The following POGZ variants were observed in gnomAD, a reference collection of about 807,000 sequenced individuals.
The protein encoded by POGZ is pogo transposable element with ZNF domain.
In POGZ, 17 loss-of-function variants were observed where a neutral mutation model predicts 134.6. The observed-to-expected ratio is 0.13, with a 90% CI of 0.09 to 0.19. The LOEUF (loss-of-function observed/expected upper bound fraction) is 0.19. Ranked by LOEUF, POGZ falls within the 10% of genes least tolerant of loss-of-function variation. POGZ has a pLI of 1.00. For synonymous variants in POGZ, 693 were observed against 657.1 expected, an observed-to-expected ratio of 1.05 and a Z score of -0.84; for missense variants, 1,306 against 1,769.7, an observed-to-expected ratio of 0.74 and a Z score of 4.70.
chr1:151,405,218 T>C lies in POGZ; in HGVS notation c.3817A>G (p.Lys1273Glu), dbSNP rs1653359065. 1 of 1,614,194 alleles carries C rather than the reference T, an allele frequency of 6.2e-7. No individual in the cohort carries two copies. The highest frequency in any genetic ancestry group is 2.2e-5 in the East Asian group (1 of 44,892). Reference sequence around the variant, plus strand: ...TTCCATTTTTTATGCAGGAAGTTCTTGACAGTTCTTTTGATGCATACATCT... The same window carrying C: ...TTCCATTTTTTATGCAGGAAGTTCTCGACAGTTCTTTTGATGCATACATCT... Reference protein sequence around the residue: ...PLDVCIKRTVKNFLHKKWKEQ... With the variant: ...PLDVCIKRTVENFLHKKWKEQ... Residue 1273 changes from lysine to glutamate, a missense_variant, in exon 19 of 19, where the codon AAG (lysine) becomes GAG (glutamate). Lys to Glu is a moderately conservative substitution (Grantham distance 56). Transcript: ENST00000271715. The surrounding 1 kb of genome is among the most constrained non-coding windows in gnomAD (Gnocchi z 4.9).
At chr1:151,409,012 C>G (rs1300955241) in intron 12 of POGZ, among the ~76,000 whole-genome samples, 184 bp from the exon 13 acceptor site, 1 of 152,122 alleles carries the variant, frequency 6.6e-6, no homozygotes. Flanking sequence ...GAATCATCAC[C>G]TCCCATGATA....
rs1293919045 is a variant in POGZ at position 151,403,184 on chromosome 1, T to A, written c.*1618A>T. Reference sequence around the variant, plus strand: ...AAGGGACTTTTCCAGTTCACTATATTATAGTGTGCTGGGGGATGAAAAAAC... The same window carrying A: ...AAGGGACTTTTCCAGTTCACTATATAATAGTGTGCTGGGGGATGAAAAAAC... On this transcript the variant is annotated 3_prime_UTR_variant, in exon 19 of 19. Transcript: ENST00000271715. 11 of 983,166 alleles carry A rather than the reference T, an allele frequency of 1.1e-5. No homozygotes were observed. The highest frequency in any genetic ancestry group is 1.3e-5 in the Non-Finnish European group (11 of 827,778). 60.9% of individuals were successfully genotyped at this position (983,166 alleles called of 1,614,324 possible). A position where few individuals can be genotyped will look rare whatever the true frequency, so the allele number is the denominator to read the frequency against.
In POGZ at chr1:151,408,401, G is replaced by A; in HGVS notation, c.2234+8C>T. On this transcript the variant is annotated splice_region_variant and intron_variant, in intron 14 of 18. Transcript: ENST00000271715. ...CCACCCGCCCAGCACTTAGAAGAAG[G>A]CGCTGACATTTTCCTAACAGCTCTC... 2 of 1,585,500 alleles carry A rather than the reference G, an allele frequency of 1.3e-6. No individual in the cohort carries two copies. The highest frequency in any genetic ancestry group is 1.7e-6 in the Non-Finnish European group (2 of 1,171,474).
Position 151,403,965 on chromosome 1 carries a change from C to T in POGZ, c.*837G>A. ...GCTTGCTAATAACACCTGTATGATC[C>T]TTTGTCCAGAGGGATGGATGGTGTT... On this transcript the variant is annotated 3_prime_UTR_variant, in exon 19 of 19. Coordinates refer to ENST00000271715, the MANE Select transcript of POGZ (RefSeq NM_015100.4). 1.0e-6 allele frequency: 1 copy of T among 985,434 alleles called. No homozygotes were observed. The allele number at this position is 985,434 out of a possible 1,614,324, so 61.0% of individuals were successfully genotyped here.
intron 1 of POGZ, among the ~76,000 whole-genome samples, chr1:151,457,168 A>C (rs767195369): frequency 6.6e-6 from 1 of 152,222 alleles, no homozygotes; most frequent in Non-Finnish European, 1.5e-5. Flanking sequence ...TGGGAGTGGA[A>C]ACTCTAACTA....
At chr1:151,419,450 C>A (rs1324333061) in intron 10 of POGZ, among the ~76,000 whole-genome samples, 1 of 151,728 alleles carries the variant, frequency 6.6e-6, no homozygotes, top group African/African-American at 2.4e-5. Context: ...TAATTTGAGA[C>A]CAGCCTGGGC....
intron 1 of POGZ, among the ~76,000 whole-genome samples, chr1:151,445,592 G>A (rs1661157455): frequency 9.9e-6 from 1 of 100,888 alleles, no homozygotes; most frequent in Admixed American, 9.0e-5. Flanking sequence ...CAACTTATGG[G>A]GAAATATTTT....
chr1:151,419,075 C>T (rs755219410), intron 10 of POGZ, among the ~76,000 whole-genome samples: 3 of 149,838 alleles, frequency 2.0e-5, no homozygotes, highest in South Asian at 2.1e-4. Context: ...TACTTTCGAC[C>T]GGGCATGCTG....
At chr1:151,458,959 GCCCCTGCCGC>G (rs1663164830) in intron 1 of POGZ, among the ~76,000 whole-genome samples, 183 bp downstream of exon 1, 1 of 144,040 alleles carries the variant, frequency 6.9e-6, no homozygotes, top group African/African-American at 2.5e-5. Context: ...CCCCGCGGCC[GCCCCTGCCGC>G]GGGCCGCGCC....
chr1:151,442,432 G>A (rs978221098), intron 1 of POGZ: 10 of 350,626 alleles, frequency 2.9e-5, no homozygotes, highest in African/African-American at 8.5e-5. Flanking sequence ...GTTACAGGCC[G>A]GGCATGGTGG....
chr1:151,408,429 C>G lies in POGZ; in HGVS notation c.2214G>C (p.Gln738His). 6.3e-7 allele frequency: 1 copy of G among 1,593,560 alleles called. No individual in the cohort carries two copies. The highest frequency in any genetic ancestry group is 8.5e-7 in the Non-Finnish European group (1 of 1,174,810). ...CTGACATTTTCCTAACAGCTCTCTTCTGGATGCTGCGCTGGACAGGGGGAT... is the reference window on the plus strand; with the variant it reads ...CTGACATTTTCCTAACAGCTCTCTTGTGGATGCTGCGCTGGACAGGGGGAT... ...FLYPPVQRSI[Q>H]KRAVRKMSVM... Residue 738 changes from glutamine (Q) to histidine (H), a missense_variant, in exon 14 of 19, where the codon CAG becomes CAC. Physicochemically the swap from Gln to His is conservative, Grantham distance 24 (BLOSUM62 0). This residue lies in a region of POGZ where 149 missense variants were observed against 237.5 expected (regional missense o/e 0.63). Transcript: ENST00000271715.
chr1:151,442,937 G>C (rs1421716783), intron 1 of POGZ, among the ~76,000 whole-genome samples: 1 of 151,548 alleles, frequency 6.6e-6, no homozygotes, highest in East Asian at 2.0e-4. Flanking sequence ...GCTGAGGCAG[G>C]AGAATTGCTT....
intron 4 of POGZ, among the ~76,000 whole-genome samples, chr1:151,430,175 A>G (rs1658465734): frequency 1.3e-5 from 2 of 152,236 alleles, no homozygotes. Flanking sequence ...AGCCACAGGC[A>G]AAGAGAAGCA....
intron 12 of POGZ, among the ~76,000 whole-genome samples, chr1:151,409,381 C>T (rs952422943): frequency 8.5e-6 from 1 of 117,216 alleles, no homozygotes; most frequent in Non-Finnish European, 2.1e-5. Flanking sequence ...ACCTGCCTCG[C>T]CCCCTTTTTT....
intron 1 of POGZ, among the ~76,000 whole-genome samples, chr1:151,448,716 G>T (rs1332763422): frequency 6.6e-6 from 1 of 151,870 alleles, no homozygotes; most frequent in East Asian, 1.9e-4. Context: ...AGAAAAATTA[G>T]CAGAGTGTTG....
chr1:151,408,864 C>G, intron 12 of POGZ, 36 bp from the exon 13 acceptor site: 1 of 1,586,100 alleles, frequency 6.3e-7, no homozygotes, highest in Non-Finnish European at 8.6e-7. Flanking sequence ...GACAAAATCC[C>G]TTAAAGGTTC....
chr1:151,417,225 G>A (rs368992463), intron 10 of POGZ, among the ~76,000 whole-genome samples: 1 of 149,226 alleles, frequency 6.7e-6, no homozygotes, highest in Non-Finnish European at 1.5e-5. Flanking sequence ...CACCACACAC[G>A]GCTAACTTTT....
chr1:151,419,668 C>CAAAAAAAAAA (rs59593149), intron 10 of POGZ, among the ~76,000 whole-genome samples: 2 of 43,656 alleles, frequency 4.6e-5, no homozygotes, highest in African/African-American at 1.0e-4. Flanking sequence ...GACCCTGTCT[C>CAAAAAAAAAA]AAAAAAAAAA....
At chr1:151,434,907 T>C (rs1659324081) in intron 3 of POGZ, among the ~76,000 whole-genome samples, 1 of 151,296 alleles carries the variant, frequency 6.6e-6, no homozygotes, top group Non-Finnish European at 1.5e-5. Context: ...TTTCCTTCAT[T>C]CTTTCTTTTT....
Sources: allele counts gnomAD v4.1 joint callset (sites outside exome capture counted in the v4.1 genomes callset), GRCh38; gene constraint gnomAD v4.1.1; regional missense constraint gnomAD v4.1.1; non-coding constraint Gnocchi (gnomAD v3.1); transcripts MANE v1.5; gene names NCBI Gene and HGNC (gene_info 2026-07-23, HGNC 2026-07-21).